THSD7B: variants seen among roughly 807,000 people sequenced by gnomAD.
THSD7B encodes thrombospondin type 1 domain containing 7B, also known as thrombospondin type-1 domain-containing protein 7B.
A neutral mutation model predicts 213.6 loss-of-function variants in THSD7B; 138 were observed. That is an observed-to-expected ratio of 0.65 (90% CI 0.56 to 0.74). The LOEUF is 0.74. Ranked by LOEUF, THSD7B falls within the 30% of genes least tolerant of loss-of-function variation. The pLI is 0.00. For missense variants in THSD7B, 1,931 were observed against 1,991.5 expected, an observed-to-expected ratio of 0.97 and a Z score of 0.58; for synonymous variants, 742 against 687.0, an observed-to-expected ratio of 1.08 and a Z score of -1.25.
At chr2:137,643,665 G>A (rs1682977553) in intron 21 of THSD7B, among the ~76,000 whole-genome samples, 1 of 152,152 alleles carries the variant, frequency 6.6e-6, no homozygotes, top group African/African-American at 2.4e-5. Flanking sequence ...AAAATTGAAG[G>A]AATATTGCTC....
chr2:136,845,660 G>A (rs1238669451), intron 1 of THSD7B, among the ~76,000 whole-genome samples: 10 of 152,204 alleles, frequency 6.6e-5, no homozygotes, highest in Admixed American at 3.3e-4. Context: ...GCACTGTTAT[G>A]TAAGCAATTA....
At chr2:137,614,204 T>C (rs144663210) in intron 17 of THSD7B, among the ~76,000 whole-genome samples, 45 of 152,278 alleles carry the variant, frequency 3.0e-4, no homozygotes, top group African/African-American at 1.1e-3. Context: ...TTTAGAACTA[T>C]ACCCATCAGA....
intron 2 of THSD7B, among the ~76,000 whole-genome samples, chr2:137,045,301 A>G (rs1686950115): frequency 1.3e-5 from 2 of 152,260 alleles, no homozygotes; most frequent in South Asian, 4.2e-4. Context: ...CTTTGAGGCC[A>G]TTATGAGTAA....
At chr2:137,152,501 A>G (rs1447003126) in intron 5 of THSD7B, among the ~76,000 whole-genome samples, 1 of 152,232 alleles carries the variant, frequency 6.6e-6, no homozygotes, top group East Asian at 1.9e-4. Flanking sequence ...TGAGACAAAT[A>G]ACTTACCTTC....
At chr2:137,148,676 C>T (rs1679755939) in intron 5 of THSD7B, among the ~76,000 whole-genome samples, 1 of 152,062 alleles carries the variant, frequency 6.6e-6, no homozygotes, top group African/African-American at 2.4e-5. Context: ...GAGTAAAGGT[C>T]ACTTTTGGTA....
chr2:137,561,229 A>T (rs1005965945), intron 15 of THSD7B, among the ~76,000 whole-genome samples: 1 of 152,154 alleles, frequency 6.6e-6, no homozygotes, highest in Non-Finnish European at 1.5e-5. Flanking sequence ...AAACCAATAT[A>T]CAATCAGGTG....
chr2:136,867,184 G>A (rs570360611), intron 1 of THSD7B, among the ~76,000 whole-genome samples: 81 of 152,172 alleles, frequency 5.3e-4, no homozygotes, highest in Non-Finnish European at 9.4e-4. Flanking sequence ...GAAAATACAT[G>A]TCTTTAACAT....
At chr2:137,170,163 T>C (rs1020337098) in intron 6 of THSD7B, among the ~76,000 whole-genome samples, 5 of 152,152 alleles carry the variant, frequency 3.3e-5, no homozygotes, top group African/African-American at 1.2e-4. Flanking sequence ...GTACACTTTT[T>C]TTAAACATAA....
chr2:137,498,186 T>C (rs972185149), intron 15 of THSD7B, among the ~76,000 whole-genome samples: 1 of 152,214 alleles, frequency 6.6e-6, no homozygotes, highest in African/African-American at 2.4e-5. Context: ...AATCTATGGA[T>C]TGTTGTATCT....
chr2:137,538,072 C>A (rs752793384), intron 15 of THSD7B, among the ~76,000 whole-genome samples: 8 of 151,576 alleles, frequency 5.3e-5, no homozygotes, highest in Non-Finnish European at 8.9e-5. Flanking sequence ...GTCCTGTATC[C>A]CTGAAAAATA....
rs1394992136 is a variant in THSD7B, at chr2:137,669,800, T to C, written c.4739+1939T>C. On this transcript the variant is annotated intron_variant, in intron 27 of 27. Transcript: ENST00000409968. Reference sequence around the variant, plus strand: ...GTATTTAAAAGATTAAAAATTTACGTGTAGTAACACATACATTTTTCCTTT... The same window carrying C: ...GTATTTAAAAGATTAAAAATTTACGCGTAGTAACACATACATTTTTCCTTT... Among the ~76,000 whole-genome samples, 4 of 152,228 alleles carry C rather than the reference T, an allele frequency of 2.6e-5. No homozygotes were observed. In the East Asian group the frequency reaches 7.7e-4, roughly 29 times the overall value.
chr2:137,178,956 A>G (rs918826228), intron 7 of THSD7B, among the ~76,000 whole-genome samples: 7 of 152,184 alleles, frequency 4.6e-5, no homozygotes, highest in African/African-American at 1.7e-4. Context: ...TCCAGACTTT[A>G]ATATTTAGAA....
intron 12 of THSD7B, among the ~76,000 whole-genome samples, chr2:137,371,489 A>T (rs902053289): frequency 6.6e-6 from 1 of 152,190 alleles, no homozygotes; most frequent in Admixed American, 6.5e-5. Context: ...ATGAAGATGT[A>T]TCCTTATATG....
At chr2:137,499,477 G>A (rs183895199) in intron 15 of THSD7B, among the ~76,000 whole-genome samples, 83 of 152,224 alleles carry the variant, frequency 5.5e-4, no homozygotes, top group South Asian at 2.1e-4. Flanking sequence ...GCAACATTTC[G>A]TTATGTTCCC....
At chr2:137,626,463 C>CAA (rs34778966) in intron 20 of THSD7B, among the ~76,000 whole-genome samples, 21 of 93,548 alleles carry the variant, frequency 2.2e-4, no homozygotes, top group African/African-American at 5.6e-4. Context: ...GACTCTGTCT[C>CAA]AAAAAAAAAA....
intron 12 of THSD7B, among the ~76,000 whole-genome samples, chr2:137,305,569 G>A (rs1210178724): frequency 6.6e-6 from 1 of 152,116 alleles, no homozygotes; most frequent in African/African-American, 2.4e-5. Context: ...GCTAAAGGAG[G>A]GAAAGGTAGA....
At chr2:137,017,785 G>A (rs1159796342) in intron 2 of THSD7B, among the ~76,000 whole-genome samples, 1 of 151,954 alleles carries the variant, frequency 6.6e-6, no homozygotes, top group East Asian at 1.9e-4. Flanking sequence ...TTAAAGAGTT[G>A]CACATAATCA....
At chr2:137,485,016 T>C (rs1688399431) in intron 15 of THSD7B, among the ~76,000 whole-genome samples, 1 of 29,214 alleles carries the variant, frequency 3.4e-5, no homozygotes, top group African/African-American at 1.2e-4. Flanking sequence ...GCAGAAGCTC[T>C]TTAGTTTAAT....
chr2:137,355,031 T>C (rs1685097639), intron 12 of THSD7B, among the ~76,000 whole-genome samples: 4 of 152,162 alleles, frequency 2.6e-5, no homozygotes, highest in Admixed American at 2.6e-4. Context: ...AAACAAAATG[T>C]AGTAAGCATC....
Sources: gnomAD v4.1 joint callset for allele counts (sites outside exome capture counted in the v4.1 genomes callset) on GRCh38, gnomAD v4.1.1 for gene constraint, MANE v1.5 for transcripts, NCBI Gene and HGNC (gene_info 2026-07-23, HGNC 2026-07-21) for gene names.